Variants in MCPH1 observed in about 807,000 individuals in gnomAD.
The protein encoded by MCPH1 is microcephalin 1.
Under a neutral mutation model 84.5 loss-of-function variants are expected in MCPH1, and 104 were observed. The observed-to-expected ratio is 1.23, with a 90% CI of 1.05 to 1.45. The LOEUF is 1.45. MCPH1 is among the 40% of genes most tolerant of loss of function. The pLI is 0.00. For missense variants in MCPH1, 1,498 were observed against 1,005.7 expected (o/e 1.49, Z -6.62); for synonymous variants, 514 against 366.8 (o/e 1.40, Z -4.58).
At chr8:6,639,831 C>G (rs1488901330) in intron 13 of MCPH1, among the ~76,000 whole-genome samples, 5 of 152,074 alleles carry the variant, frequency 3.3e-5, no homozygotes, top group Non-Finnish European at 4.4e-5. Flanking sequence ...ACAGCTACTT[C>G]ATTCTTTTTA....
At chr8:6,435,392 C>T (rs1296589681) in intron 4 of MCPH1, among the ~76,000 whole-genome samples, 5 of 152,014 alleles carry the variant, frequency 3.3e-5, no homozygotes, top group Non-Finnish European at 7.4e-5. Flanking sequence ...CTCTCAAATC[C>T]GCCTCCCTGA....
At chr8:6,487,650 G>A (rs1360651742) in intron 11 of MCPH1, among the ~76,000 whole-genome samples, 1 of 152,190 alleles carries the variant, frequency 6.6e-6, no homozygotes, top group Non-Finnish European at 1.5e-5. Flanking sequence ...GTTTCTGAGG[G>A]TGCCCTTCAG....
intron 12 of MCPH1, among the ~76,000 whole-genome samples, chr8:6,510,968 CTG>C: frequency 6.6e-6 from 1 of 152,312 alleles, no homozygotes; most frequent in East Asian, 1.9e-4. Context: ...ATACTCATCT[CTG>C]TTGGGATTTT....
chr8:6,480,832 C>T lies in MCPH1; in HGVS notation c.2092C>T (p.Leu698=), dbSNP rs776735991. Residue 698 remains leucine, a synonymous_variant, in exon 11 of 14, where the codon CTG becomes TTG. Transcript: ENST00000344683. The part of the protein sequence containing the change: ...SGKPLRTLNV[L]LGIARGCWVL... ...GAAGCCACTTCGCACCCTGAATGTG[C>T]TGCTGGGAATTGCGCGTGGCTGCTG... 7 of 1,614,088 alleles carry T rather than the reference C, an allele frequency of 4.3e-6. No homozygotes were observed. In the African/African-American group the frequency reaches 6.7e-5, roughly 15 times the overall value.
chr8:6,430,445 C>T (rs186993771), intron 3 of MCPH1, among the ~76,000 whole-genome samples: 2 of 152,250 alleles, frequency 1.3e-5, no homozygotes, highest in East Asian at 3.9e-4. Flanking sequence ...CTTTACACAC[C>T]CTCAGAAGGG....
At chr8:6,479,424 ATTTATTTAT>A in intron 10 of MCPH1, among the ~76,000 whole-genome samples, 1 of 148,062 alleles carries the variant, frequency 6.8e-6, no homozygotes, top group Non-Finnish European at 1.5e-5. Flanking sequence ...TTATTTATTT[ATTTATTTAT>A]TTATTTATTT....
intron 3 of MCPH1, among the ~76,000 whole-genome samples, chr8:6,419,061 T>C (rs1215919483): frequency 1.3e-5 from 2 of 152,112 alleles, no homozygotes; most frequent in East Asian, 3.8e-4. Flanking sequence ...TATGTTTACG[T>C]TGGGCCTGCT....
intron 9 of MCPH1, among the ~76,000 whole-genome samples, chr8:6,465,579 C>T (rs60399917): frequency 2.5e-3 from 387 of 152,240 alleles, no homozygotes; most frequent in African/African-American, 7.5e-3. Flanking sequence ...AGAAATGCTC[C>T]CCGGGTCCTC....
chr8:6,527,819 T>C, intron 12 of MCPH1: 1 of 821,844 alleles, frequency 1.2e-6, no homozygotes, highest in Non-Finnish European at 1.8e-6. Context: ...TTTGGCATAT[T>C]TTTCATTTTC....
intron 12 of MCPH1, among the ~76,000 whole-genome samples, chr8:6,597,249 C>G (rs913268293): frequency 1.3e-5 from 2 of 152,162 alleles, no homozygotes; most frequent in Non-Finnish European, 2.9e-5. Context: ...CCATGGACGC[C>G]GTCTTTACCA....
chr8:6,467,932 G>C (rs1437947292), intron 9 of MCPH1, among the ~76,000 whole-genome samples: 2 of 152,140 alleles, frequency 1.3e-5, no homozygotes, highest in African/African-American at 4.8e-5. Flanking sequence ...GAAGGTAGAG[G>C]TGTGTACGTG....
chr8:6,581,758 C>G (rs1180286222), intron 12 of MCPH1, among the ~76,000 whole-genome samples: 1 of 152,114 alleles, frequency 6.6e-6, no homozygotes, highest in Non-Finnish European at 1.5e-5. Flanking sequence ...AACTGGGTGT[C>G]TTATAAACGA....
chr8:6,439,088 C>G lies in MCPH1; in HGVS notation c.572C>G (p.Ser191Cys). 1 of 1,612,776 alleles carries G rather than the reference C, an allele frequency of 6.2e-7. No individual in the cohort carries two copies. Among genetic ancestry groups the G allele is most frequent in the South Asian group, 1.1e-5 (1 of 91,020 alleles). Residue 191 changes from serine (S) to cysteine (C), a missense_variant, in exon 6 of 14, where the codon TCC becomes TGC. By Grantham distance (112) the Ser-to-Cys change is moderately radical. Coordinates refer to ENST00000344683, the MANE Select transcript of MCPH1 (RefSeq NM_024596.5). ...ATGAAGGAGAAAAGGGAAAATCTTT[C>G]CCCCACCTGTAAGTAATTAGTTTGT... ...QEMKEKRENL[S>C]PTSSQMIQQS... is the part of the protein sequence containing the mutation.
At position 6,586,806 on chromosome 8, in the gene MCPH1, G is replaced by T. The variant is rs1828021048; in HGVS notation, c.2215-34648G>T. Among the ~76,000 whole-genome samples the T allele has an allele frequency of 3.9e-5, 6 of 152,220 alleles. No individual in the cohort carries two copies. The South Asian group carries it at 1.2e-3, about 32-fold the overall frequency. On this transcript the variant is annotated intron_variant, in intron 12 of 13. Coordinates refer to ENST00000344683, the MANE Select transcript of MCPH1 (RefSeq NM_024596.5). ...TAAGCTGGTAGTTCTGTTCAGGACA[G>T]GTTGAAGGGATGAGAGATTAGGACA...
chr8:6,504,361 T>C (rs1054583665), intron 12 of MCPH1, among the ~76,000 whole-genome samples: 3 of 149,230 alleles, frequency 2.0e-5, no homozygotes, highest in Non-Finnish European at 4.4e-5. Context: ...TTAAATTGCA[T>C]GCCGTTCTGA....
intron 12 of MCPH1, among the ~76,000 whole-genome samples, chr8:6,539,655 T>G (rs576975302): frequency 2.6e-5 from 4 of 152,282 alleles, no homozygotes; most frequent in African/African-American, 9.6e-5. Context: ...GGCGTGATCT[T>G]GGCTCACTGC....
chr8:6,621,541 A>T lies in MCPH1; in HGVS notation c.2302A>T (p.Ser768Cys). The T allele has an allele frequency of 6.2e-7, 1 of 1,614,204 alleles. No homozygotes were observed. The highest frequency in any genetic ancestry group is 8.5e-7 in the Non-Finnish European group (1 of 1,180,026). Residue 768 changes from serine to cysteine, a missense_variant, in exon 13 of 14, where the codon AGC becomes TGC. By Grantham distance (112) the Ser-to-Cys change is moderately radical. Transcript: ENST00000344683. ...DQPAMFVSPA[S>C]SPPVAKLCEL... is the part of the protein sequence containing the mutation. ...GCCAGCGATGTTTGTCTCGCCTGCCAGCAGCCCCCCAGTGGCCAAGCTCTG... is the reference window on the plus strand; with the variant it reads ...GCCAGCGATGTTTGTCTCGCCTGCCTGCAGCCCCCCAGTGGCCAAGCTCTG...
intron 3 of MCPH1, among the ~76,000 whole-genome samples, chr8:6,419,604 G>A (rs541247804): frequency 2.4e-4 from 35 of 148,826 alleles, no homozygotes; most frequent in East Asian, 1.2e-3. Context: ...GGATTTTACC[G>A]TGTTAGCCAG....
chr8:6,508,854 T>C, intron 12 of MCPH1: 1 of 1,575,376 alleles, frequency 6.3e-7, no homozygotes, highest in Non-Finnish European at 8.7e-7. Context: ...TCACAATTTG[T>C]AGTCCAAATT....
Sources: gnomAD v4.1 joint callset for allele counts (sites outside exome capture counted in the v4.1 genomes callset) on GRCh38, gnomAD v4.1.1 for gene constraint, MANE v1.5 for transcripts, NCBI Gene and HGNC (gene_info 2026-07-23, HGNC 2026-07-21) for gene names.